Variants in GBF1 observed in about 807,000 individuals in gnomAD.
The protein encoded by GBF1 is golgi brefeldin A resistant guanine nucleotide exchange factor 1.
Under a neutral mutation model 210.5 loss-of-function variants are expected in GBF1, and 114 were observed. That is an observed-to-expected ratio of 0.54 (90% CI 0.47 to 0.63). The LOEUF (loss-of-function observed/expected upper bound fraction) is 0.63, where lower values mean the gene tolerates loss of function less well. GBF1 is among the 30% of genes least tolerant of loss of function. The probability of loss-of-function intolerance (pLI) is 0.00; values close to 1 mark genes in which losing one functional copy is unlikely to be tolerated. For synonymous variants in GBF1, 850 were observed against 889.2 expected (o/e 0.96, Z 0.78); for missense variants, 1,851 against 2,357.7 (o/e 0.79, Z 4.45).
the GBF1 span, chr10:102,230,757 G>A: frequency 1.0e-5 from 15 of 1,493,278 alleles, no homozygotes; most frequent in East Asian, 2.6e-5. Flanking sequence ...CCAGCCCGGG[G>A]GGGCCCCCGC....
At position 102,367,327 on chromosome 10, in the gene GBF1, A is replaced by G. The variant is rs550629730; in HGVS notation, c.2559+117A>G. On this transcript the variant is annotated intron_variant, in intron 20 of 39. Transcript: ENST00000369983. ...GGGGTTCTGTCCAAGGGAATCAGGA[A>G]GGGCTGGCCAACCTAGAAAAGGGAC... 3.3e-5 allele frequency: 41 copies of G among 1,260,116 alleles called. 1 individual carries two copies. The South Asian group carries it at 4.6e-4, about 14-fold the overall frequency. 78.1% of individuals were successfully genotyped at this position (1,260,116 alleles called of 1,614,324 possible).
intron 3 of GBF1, among the ~76,000 whole-genome samples, chr10:102,280,059 G>GGCTGCAGTGAGTAATAATGGCACC (rs2075341806): frequency 6.6e-6 from 1 of 151,876 alleles, no homozygotes. Context: ...CAGAAATCAA[G>GGCTGCAGTGAGTAATAATGGCACC]GCTGCAGTGA....
At chr10:102,312,010 C>T (rs921073504) in intron 3 of GBF1, among the ~76,000 whole-genome samples, 26 of 152,070 alleles carry the variant, frequency 1.7e-4, no homozygotes, top group Non-Finnish European at 5.9e-5. Context: ...TGTTAAATCT[C>T]GCCGGGCGTG....
chr10:102,360,451 A>G, intron 12 of GBF1, 56 bp downstream of exon 12: 2 of 1,183,370 alleles, frequency 1.7e-6, no homozygotes, highest in Non-Finnish European at 1.3e-6. Context: ...AGGGGAACAC[A>G]GGGAGGTCTG....
At chr10:102,235,193 T>G in the GBF1 span, among the ~76,000 whole-genome samples, 1 of 57,300 alleles carries the variant, frequency 1.7e-5, no homozygotes. Flanking sequence ...CCCCACCGCC[T>G]CCCTGGCCCC....
chr10:102,230,707 T>G, the GBF1 span: 1 of 1,555,898 alleles, frequency 6.4e-7, no homozygotes, highest in Non-Finnish European at 8.7e-7. Flanking sequence ...GGCCGAGGCA[T>G]AAGGGCAGGA....
chr10:102,249,141 C>G (rs981304241), intron 1 of GBF1, among the ~76,000 whole-genome samples: 3 of 152,104 alleles, frequency 2.0e-5, no homozygotes, highest in African/African-American at 7.2e-5. Flanking sequence ...TGGATTCTGC[C>G]CAATGGTTAC....
chr10:102,270,650 C>G (rs947669779), intron 3 of GBF1, among the ~76,000 whole-genome samples: 1 of 152,120 alleles, frequency 6.6e-6, no homozygotes, highest in Middle Eastern at 3.2e-3. Context: ...CCCCTAAATA[C>G]TTCAGCATGA....
chr10:102,345,281 CAAAA>C (rs200940534), intron 4 of GBF1, among the ~76,000 whole-genome samples: 1 of 98,538 alleles, frequency 1.0e-5, no homozygotes, highest in Non-Finnish European at 2.1e-5. Context: ...GACTCTGTCT[CAAAA>C]AAAAAAAAAA....
intron 3 of GBF1, among the ~76,000 whole-genome samples, chr10:102,284,295 T>C (rs1350073981): frequency 1.3e-5 from 2 of 152,130 alleles, no homozygotes; most frequent in African/African-American, 4.8e-5. Flanking sequence ...AACATAAAAT[T>C]AACCATTTTA....
At chr10:102,301,552 G>T (rs933476906) in intron 3 of GBF1, among the ~76,000 whole-genome samples, 20 of 152,184 alleles carry the variant, frequency 1.3e-4, no homozygotes, top group African/African-American at 4.6e-4. Flanking sequence ...CTCAGACTGG[G>T]CAGCTGCCGG....
At position 102,258,889 on chromosome 10, in the gene GBF1, C is replaced by A. The variant is rs145452122; in HGVS notation, c.-10-40C>A. 235 of 1,073,326 alleles carry A rather than the reference C, an allele frequency of 2.2e-4. 2 individuals are homozygous for A. The East Asian group carries it at 5.0e-3, about 23-fold the overall frequency. 66.5% of individuals were successfully genotyped at this position (1,073,326 alleles called of 1,614,324 possible). On this transcript the variant is annotated intron_variant, in intron 1 of 39. Coordinates refer to ENST00000369983, the MANE Select transcript of GBF1 (RefSeq NM_001377137.1). Reference sequence around the variant, plus strand: ...TTAAACTTGGGTATGCTTTGGGTAACCAAATATTAACCAGACTATTATCTT... The same window carrying A: ...TTAAACTTGGGTATGCTTTGGGTAAACAAATATTAACCAGACTATTATCTT...
At chr10:102,348,483 C>A (rs2058726743) in intron 4 of GBF1, among the ~76,000 whole-genome samples, 2 of 152,320 alleles carry the variant, frequency 1.3e-5, no homozygotes, top group South Asian at 4.1e-4. Flanking sequence ...GGCTACTATT[C>A]ACTTATCTCT....
chr10:102,357,036 A>G (rs2059332057), intron 8 of GBF1, among the ~76,000 whole-genome samples: 1 of 152,156 alleles, frequency 6.6e-6, no homozygotes, highest in African/African-American at 2.4e-5. Flanking sequence ...AGGGACAGGT[A>G]GTCTCATTGA....
Position 102,363,543 on chromosome 10 carries a change from A to AT in GBF1, c.2017+148dup. The AT allele has an allele frequency of 4.6e-6, 4 of 870,342 alleles. No individual in the cohort carries two copies. The highest frequency in any genetic ancestry group is 7.4e-6 in the Non-Finnish European group (4 of 540,902). The allele number at this position is 870,342 out of a possible 1,614,324, so 53.9% of individuals were successfully genotyped here. The stretch of plus-strand genomic sequence containing the variant: ...GACTCAGAGAGAGGGAAGCAAACAT[A>AT]TGGACCCTCAGTTGATAGGACTTCC... On this transcript the variant is annotated intron_variant, in intron 16 of 39. Transcript: ENST00000369983. The surrounding 1 kb of genome is among the most constrained non-coding windows in gnomAD (Gnocchi z 4.2).
intron 3 of GBF1, among the ~76,000 whole-genome samples, chr10:102,293,288 C>T (rs1367505833): frequency 1.3e-5 from 2 of 152,104 alleles, no homozygotes; most frequent in East Asian, 1.9e-4. Flanking sequence ...ACGTATCACT[C>T]GTGTTTGTGG....
intron 15 of GBF1, 49 bp downstream of exon 15, chr10:102,362,713 C>G: frequency 7.0e-7 from 1 of 1,418,672 alleles, no homozygotes; most frequent in Non-Finnish European, 9.9e-7. Context: ...ATGCTTATCC[C>G]TTCTCTACTC....
chr10:102,261,566 A>G (rs908570734), intron 3 of GBF1, among the ~76,000 whole-genome samples: 4 of 151,310 alleles, frequency 2.6e-5, no homozygotes. Context: ...TTTCCTAAAC[A>G]TGGGCTAAAG....
chr10:102,294,077 C>T (rs2076710295), intron 3 of GBF1, among the ~76,000 whole-genome samples: 1 of 151,798 alleles, frequency 6.6e-6, no homozygotes. Context: ...CATGCCCGGG[C>T]TGTAGTATGT....
Sources: gnomAD v4.1 joint callset for allele counts (sites outside exome capture counted in the v4.1 genomes callset) on GRCh38, gnomAD v4.1.1 for gene constraint, Gnocchi (gnomAD v3.1) non-coding constraint, MANE v1.5 for transcripts, NCBI Gene and HGNC (gene_info 2026-07-23, HGNC 2026-07-21) for gene names.